The following DPP10 variants were observed in gnomAD, a reference collection of about 807,000 sequenced individuals.
DPP10 encodes the protein inactive dipeptidyl peptidase 10.
Under a neutral mutation model 120.9 loss-of-function variants are expected in DPP10, and 33 were observed. That is an observed-to-expected ratio of 0.27 (90% CI 0.21 to 0.37). The LOEUF (loss-of-function observed/expected upper bound fraction) is 0.37, where lower values mean the gene tolerates loss of function less well. Among genes scored for constraint, DPP10 ranks in the 10% least tolerant of loss-of-function variants. DPP10 has a pLI of 1.00. For missense variants in DPP10, 816 were observed against 942.8 expected (o/e 0.87, Z 1.76); for synonymous variants, 337 against 326.1 (o/e 1.03, Z -0.36).
At chr2:115,073,862 G>T (rs1707570864) in intron 1 of DPP10, among the ~76,000 whole-genome samples, 1 of 152,160 alleles carries the variant, frequency 6.6e-6, no homozygotes, top group Non-Finnish European at 1.5e-5. Flanking sequence ...TTTACTGAAT[G>T]GTAGCTTTTT....
intron 1 of DPP10, among the ~76,000 whole-genome samples, chr2:114,518,697 T>C (rs1414140752): frequency 2.6e-5 from 4 of 152,194 alleles, no homozygotes; most frequent in Non-Finnish European, 5.9e-5. Context: ...CGCAGATCCA[T>C]GGAGTCATCA....
intron 1 of DPP10, among the ~76,000 whole-genome samples, chr2:115,029,057 GTTA>G (rs1046048578): frequency 6.6e-6 from 1 of 151,948 alleles, no homozygotes; most frequent in African/African-American, 2.4e-5. Flanking sequence ...TATATTCAGT[GTTA>G]TTATTGATGA....
At chr2:115,170,585 T>C (rs1262536416) in intron 1 of DPP10, among the ~76,000 whole-genome samples, 2 of 152,226 alleles carry the variant, frequency 1.3e-5, no homozygotes. Context: ...GAAAAGACGA[T>C]ACGTTTCACC....
At chr2:115,278,139 C>T (rs534577883) in intron 1 of DPP10, among the ~76,000 whole-genome samples, 2 of 152,256 alleles carry the variant, frequency 1.3e-5, no homozygotes, top group African/African-American at 4.8e-5. Flanking sequence ...GGCTCATTTC[C>T]CTGTGTGTCC....
intron 1 of DPP10, chr2:115,233,822 C>T: frequency 4.4e-6 from 2 of 455,748 alleles, no homozygotes; most frequent in South Asian, 1.6e-5. Flanking sequence ...TCACCTTTGC[C>T]ACACCAAATG....
At chr2:115,434,096 TAC>T (rs1359502884) in intron 3 of DPP10, among the ~76,000 whole-genome samples, 1 of 151,994 alleles carries the variant, frequency 6.6e-6, no homozygotes, top group Non-Finnish European at 1.5e-5. Flanking sequence ...AAATATCAAT[TAC>T]TATACATATA....
intron 1 of DPP10, among the ~76,000 whole-genome samples, chr2:114,537,225 C>G (rs916130540): frequency 6.6e-6 from 1 of 152,142 alleles, no homozygotes; most frequent in African/African-American, 2.4e-5. Context: ...TGGATAGAAA[C>G]AGTCGGCTAG....
chr2:114,839,988 T>C (rs926013388), intron 1 of DPP10, among the ~76,000 whole-genome samples: 1 of 152,150 alleles, frequency 6.6e-6, no homozygotes, highest in Non-Finnish European at 1.5e-5. Context: ...CTATATAGCA[T>C]TTCAGGAGGT....
intron 7 of DPP10, among the ~76,000 whole-genome samples, chr2:115,707,284 A>C (rs2092148869): frequency 6.6e-6 from 1 of 151,942 alleles, no homozygotes; most frequent in Non-Finnish European, 1.5e-5. Flanking sequence ...ACTATATGTG[A>C]TAATTACAGA....
rs58779973 is a variant in DPP10 at position 115,679,194 on chromosome 2, T to TG, written c.442-10485dup. Among the ~76,000 whole-genome samples, 1,447 of 151,052 alleles carry TG rather than the reference T, an allele frequency of 9.6e-3. 24 individuals carry two copies. The highest frequency in any genetic ancestry group is 0.03 in the African/African-American group (1,210 of 40,908). On this transcript the variant is annotated intron_variant, in intron 5 of 25. Coordinates refer to ENST00000410059, the MANE Select transcript of DPP10 (RefSeq NM_020868.6). Reference sequence around the variant, plus strand: ...TTTTAAAATGTGAGGACATGAGATGTGGGGGGGGTGCATGGGTGGAATGAT... The same window carrying TG: ...TTTTAAAATGTGAGGACATGAGATGTGGGGGGGGGTGCATGGGTGGAATGAT...
intron 1 of DPP10, among the ~76,000 whole-genome samples, chr2:114,760,026 A>G (rs954834994): frequency 6.6e-6 from 1 of 152,186 alleles, no homozygotes. Context: ...ACTTCTCACC[A>G]CCTGCACCAT....
chr2:114,663,669 A>ATATATATATG (rs1558981032), intron 1 of DPP10, among the ~76,000 whole-genome samples: 7 of 87,528 alleles, frequency 8.0e-5, no homozygotes, highest in Admixed American at 3.3e-4. Context: ...ATATATATAT[A>ATATATATATG]GAGAGAGAGA....
At chr2:114,609,550 C>T (rs2105275674) in intron 1 of DPP10, among the ~76,000 whole-genome samples, 1 of 152,178 alleles carries the variant, frequency 6.6e-6, no homozygotes, top group East Asian at 1.9e-4. Flanking sequence ...TGAAACGAGG[C>T]AAAAGTGATA....
chr2:114,852,530 C>T (rs62165243), intron 1 of DPP10, among the ~76,000 whole-genome samples: 49,166 of 151,704 alleles, frequency 0.32, 8,440 homozygotes, highest in South Asian at 0.45. Flanking sequence ...AATCTAGAGA[C>T]GATTTAAAGT....
intron 3 of DPP10, among the ~76,000 whole-genome samples, chr2:115,379,005 A>G (rs1043164971): frequency 2.0e-5 from 3 of 152,284 alleles, no homozygotes; most frequent in African/African-American, 7.2e-5. Context: ...ATATTGGTCT[A>G]ACATTCTCTT....
chr2:115,210,332 C>T (rs550651638), intron 1 of DPP10, among the ~76,000 whole-genome samples: 2 of 152,162 alleles, frequency 1.3e-5, no homozygotes, highest in Non-Finnish European at 2.9e-5. Context: ...CATCCATGTC[C>T]CTACAAAGGA....
chr2:114,823,400 A>G (rs1686262807), intron 1 of DPP10, among the ~76,000 whole-genome samples: 1 of 152,158 alleles, frequency 6.6e-6, no homozygotes, highest in Admixed American at 6.6e-5. Flanking sequence ...ATTATGGGAA[A>G]TGTAATTCAA....
chr2:114,567,956 A>G (rs1331414435), intron 1 of DPP10, among the ~76,000 whole-genome samples: 4 of 151,628 alleles, frequency 2.6e-5, no homozygotes, highest in South Asian at 2.1e-4. Flanking sequence ...GCAGCAAACC[A>G]CTATGACAGA....
At chr2:115,820,216 A>C (rs1417024870) in intron 21 of DPP10, among the ~76,000 whole-genome samples, 1 of 152,156 alleles carries the variant, frequency 6.6e-6, no homozygotes, top group African/African-American at 2.4e-5. Flanking sequence ...CTATAATTGA[A>C]CTGTGGCCAA....
Sources: allele counts gnomAD v4.1 joint callset (sites outside exome capture counted in the v4.1 genomes callset), GRCh38; gene constraint gnomAD v4.1.1; transcripts MANE v1.5; gene names NCBI Gene and HGNC (gene_info 2026-07-23, HGNC 2026-07-21).